Variants in ELAVL4 observed in about 807,000 individuals in gnomAD.
The protein encoded by ELAVL4 is ELAV like RNA binding protein 4, also known as ELAV-like protein 4.
A neutral mutation model predicts 35.6 loss-of-function variants in ELAVL4; 1 was observed. That is an observed-to-expected ratio of 0.03 (90% CI 0.01 to 0.13). The LOEUF (loss-of-function observed/expected upper bound fraction) is 0.13, where lower values mean the gene tolerates loss of function less well. Ranked by LOEUF, ELAVL4 falls within the 10% of genes least tolerant of loss-of-function variation. The pLI is 1.00. For synonymous variants in ELAVL4, 156 were observed against 171.0 expected (o/e 0.91, Z 0.69); for missense variants, 267 against 464.9 (o/e 0.57, Z 3.91).
chr1:50,070,900 C>T (rs773133395), intron 1 of ELAVL4, among the ~76,000 whole-genome samples: 1 of 152,188 alleles, frequency 6.6e-6, no homozygotes, highest in Non-Finnish European at 1.5e-5. Flanking sequence ...CTAACTGTGG[C>T]TTGCAACATC....
chr1:50,084,583 T>C (rs1665153388), intron 1 of ELAVL4, among the ~76,000 whole-genome samples: 1 of 152,176 alleles, frequency 6.6e-6, no homozygotes, highest in Non-Finnish European at 1.5e-5. Flanking sequence ...ATCTCATACC[T>C]GCCCCCTTCT....
chr1:50,165,726 A>T (rs979659249), intron 2 of ELAVL4, among the ~76,000 whole-genome samples: 2 of 145,440 alleles, frequency 1.4e-5, no homozygotes, highest in African/African-American at 5.0e-5. Flanking sequence ...ATGTATATAC[A>T]TGTATATGTG....
At chr1:50,048,797 T>TA (rs1362952917) in intron 1 of ELAVL4, among the ~76,000 whole-genome samples, 32 of 152,304 alleles carry the variant, frequency 2.1e-4, no homozygotes, top group Admixed American at 2.1e-3. Context: ...GCGCGTGTGT[T>TA]ACACTAAGCA....
chr1:50,162,719 G>C (rs1297305397), intron 2 of ELAVL4, among the ~76,000 whole-genome samples: 3 of 152,082 alleles, frequency 2.0e-5, no homozygotes. Flanking sequence ...AAGTAGCTGG[G>C]ACCACAGGCA....
intron 1 of ELAVL4, among the ~76,000 whole-genome samples, chr1:50,112,877 G>A (rs1319999340): frequency 3.9e-5 from 6 of 151,972 alleles, no homozygotes; most frequent in African/African-American, 1.4e-4. Context: ...TTGGTCCTTT[G>A]AAAATTAGGG....
At chr1:50,080,542 A>G (rs1664963476) in intron 1 of ELAVL4, among the ~76,000 whole-genome samples, 1 of 152,068 alleles carries the variant, frequency 6.6e-6, no homozygotes, top group Admixed American at 6.6e-5. Context: ...CACAAATCTC[A>G]TTGTGTCATT....
chr1:50,192,515 GCACGCACA>G (rs1466406070), intron 3 of ELAVL4, among the ~76,000 whole-genome samples: 10 of 80,350 alleles, frequency 1.2e-4, no homozygotes, highest in African/African-American at 2.7e-4. Context: ...GCTTTTGTGT[GCACGCACA>G]CACACACACA....
Position 50,144,950 on chromosome 1 carries a change from T to C in ELAVL4, c.10-7T>C. On this transcript the variant is annotated splice_polypyrimidine_tract_variant and splice_region_variant and intron_variant, in intron 1 of 6. Coordinates refer to ENST00000371824, the MANE Select transcript of ELAVL4 (RefSeq NM_001144774.3). ...AGGCTTTTTCAATTGTTTTTATTTT[T>C]ATTTAGATAATTAGCACCATGGAGC... is the stretch of plus-strand genomic sequence containing the variant. 3 of 1,603,570 alleles carry C rather than the reference T, an allele frequency of 1.9e-6. No individual in the cohort carries two copies. Among genetic ancestry groups the C allele is most frequent in the Non-Finnish European group, 2.5e-6 (3 of 1,176,866 alleles).
rs79348931 is a variant in ELAVL4, at chr1:50,152,766, G to A, written c.250+7569G>A. On this transcript the variant is annotated intron_variant, in intron 2 of 6. Transcript: ENST00000371824. Reference sequence around the variant, plus strand: ...CTAAAGATCATTAAGTTGCTTTTTCGTTTTTTCTACAGTCCCAAAATTGAG... The same window carrying A: ...CTAAAGATCATTAAGTTGCTTTTTCATTTTTTCTACAGTCCCAAAATTGAG... 7.3e-3 allele frequency among the ~76,000 whole-genome samples: 1,102 copies of A among 151,970 alleles called. 12 individuals are homozygous for A. The highest frequency in any genetic ancestry group is 0.025 in the African/African-American group (1,034 of 41,426).
upstream of ELAVL4, among the ~76,000 whole-genome samples, chr1:50,099,793 A>C (rs1379318890): frequency 1.3e-5 from 2 of 152,160 alleles, no homozygotes. Flanking sequence ...CCAAGCCTGG[A>C]GAATGGAATA....
At chr1:50,131,667 G>A (rs1037377281) in intron 1 of ELAVL4, among the ~76,000 whole-genome samples, 6 of 152,044 alleles carry the variant, frequency 3.9e-5, no homozygotes, top group African/African-American at 7.2e-5. Flanking sequence ...GCGCATGCCT[G>A]TAGTCCCAGT....
chr1:50,111,622 C>T (rs565319204), intron 1 of ELAVL4, among the ~76,000 whole-genome samples: 1 of 152,130 alleles, frequency 6.6e-6, no homozygotes, highest in Admixed American at 6.6e-5. Flanking sequence ...TTCCCCATGC[C>T]CACAGTCACA....
upstream of ELAVL4, among the ~76,000 whole-genome samples, chr1:50,100,071 G>A (rs1665900405): frequency 6.6e-6 from 1 of 152,184 alleles, no homozygotes; most frequent in African/African-American, 2.4e-5. Context: ...TGTGGACTGA[G>A]GTTGGGCATA....
chr1:50,075,937 C>G (rs1664742885), intron 1 of ELAVL4, among the ~76,000 whole-genome samples: 1 of 152,138 alleles, frequency 6.6e-6, no homozygotes, highest in South Asian at 2.1e-4. Flanking sequence ...AAGCGATTCT[C>G]ATGCCTCAGC....
intron 1 of ELAVL4, among the ~76,000 whole-genome samples, chr1:50,069,320 A>G (rs1274252288): frequency 5.3e-5 from 8 of 152,100 alleles, no homozygotes; most frequent in Admixed American, 4.6e-4. Flanking sequence ...CTGATTACCT[A>G]TAGCATTTGT....
intron 1 of ELAVL4, among the ~76,000 whole-genome samples, chr1:50,070,189 G>T (rs923008788): frequency 3.9e-5 from 6 of 152,202 alleles, no homozygotes; most frequent in African/African-American, 1.4e-4. Context: ...ATGAACACTG[G>T]AATGAAGTGG....
intron 1 of ELAVL4, 98 bp from the exon 2 acceptor site, chr1:50,144,859 T>C: frequency 6.5e-7 from 1 of 1,547,180 alleles, no homozygotes; most frequent in Non-Finnish European, 8.7e-7. Flanking sequence ...TTGCTTTATC[T>C]TCTTCTCTTT....
intron 3 of ELAVL4, chr1:50,179,880 ATCGGTGGAGACTG>A (rs1460180938): frequency 6.6e-6 from 1 of 152,258 alleles, no homozygotes; most frequent in Admixed American, 6.5e-5. Flanking sequence ...GCTCTAAGGC[ATCGGTGGAGACTG>A]TAGTGAGCTG....
rs562889481 is a variant in ELAVL4 at position 50,109,556 on chromosome 1, G to A, written c.9+358G>A. The stretch of plus-strand genomic sequence containing the variant: ...TAAGGGAGAGGGGGTTTGTCTACGT[G>A]CCTGGGTTTTGTGGGGCTGGGGGTG... On this transcript the variant is annotated intron_variant, in intron 1 of 6. Transcript: ENST00000371824. The A allele has an allele frequency of 1.1e-5, 4 of 371,754 alleles. No individual in the cohort carries two copies. The East Asian group carries it at 1.5e-4, about 14-fold the overall frequency. 23.0% of individuals were successfully genotyped at this position (371,754 alleles called of 1,614,324 possible).
Sources: allele counts gnomAD v4.1 joint callset (sites outside exome capture counted in the v4.1 genomes callset), GRCh38; gene constraint gnomAD v4.1.1; transcripts MANE v1.5; gene names NCBI Gene and HGNC (gene_info 2026-07-23, HGNC 2026-07-21).